Variants in PCLO observed in about 807,000 individuals in gnomAD.
The protein encoded by PCLO is protein piccolo.
Under a neutral mutation model 427.5 loss-of-function variants are expected in PCLO, and 82 were observed. The ratio of observed to expected loss-of-function variants is 0.19; its 90% confidence interval spans 0.16 to 0.23. The LOEUF (loss-of-function observed/expected upper bound fraction) is 0.23, where lower values mean the gene tolerates loss of function less well. Among genes scored for constraint, PCLO ranks in the 10% least tolerant of loss-of-function variants. The pLI is 1.00. For missense variants in PCLO, 6,239 were observed against 6,115.9 expected, an observed-to-expected ratio of 1.02 and a Z score of -0.67; for synonymous variants, 2,357 against 2,155.4, an observed-to-expected ratio of 1.09 and a Z score of -2.59.
Position 82,953,708 on chromosome 7 carries a change from A to C in PCLO, c.7245T>G (p.Pro2415=). The C allele has an allele frequency of 4.3e-6, 2 of 463,588 alleles. No individual in the cohort carries two copies. The highest frequency in any genetic ancestry group is 1.8e-5 in the South Asian group (1 of 54,214). 28.7% of individuals were successfully genotyped at this position (463,588 alleles called of 1,614,324 possible). ...PPPPPPPPPP[P]PPPPPPPPPP... is the part of the protein sequence containing the mutation. ...GAGGAGGGGGTGGTGGTGGAGGAGG[A>C]GGAGGAGGGGGAGGGGGAGGAGGGG... Residue 2415 remains proline (P), a synonymous_variant, in exon 5 of 25, where the codon CCT becomes CCG. Coordinates refer to ENST00000333891, the MANE Select transcript of PCLO (RefSeq NM_033026.6).
chr7:83,054,274 T>A (rs1400658478), intron 3 of PCLO, among the ~76,000 whole-genome samples: 1 of 152,062 alleles, frequency 6.6e-6, no homozygotes, highest in Non-Finnish European at 1.5e-5. Context: ...AACACCTAGA[T>A]GTGCTTCTAT....
At chr7:83,124,965 G>A (rs1353913630) in intron 3 of PCLO, among the ~76,000 whole-genome samples, 5 of 152,080 alleles carry the variant, frequency 3.3e-5, no homozygotes, top group African/African-American at 9.7e-5. Flanking sequence ...CGTGTTGGCC[G>A]GGCTGGTCTC....
chr7:83,134,761 T>A lies in PCLO; in HGVS notation c.2789A>T (p.Lys930Ile). 1.9e-6 allele frequency: 3 copies of A among 1,613,932 alleles called. No individual in the cohort carries two copies. Among genetic ancestry groups the A allele is most frequent in the Non-Finnish European group, 2.5e-6 (3 of 1,179,882 alleles). ...PTTPQETVTG[K>I]LFGFGASIFS... The stretch of plus-strand genomic sequence containing the variant: ...GATTGATGCTCCAAACCCAAAGAGT[T>A]TCCCAGTCACGGTCTCTTGAGGAGT... The change falls in exon 3 of 25, where the codon AAA (lysine) becomes ATA (isoleucine). Residue 930 changes from lysine (K) to isoleucine (I), a missense_variant. By Grantham distance (102) the Lys-to-Ile change is moderately radical. Transcript: ENST00000333891.
chr7:82,823,327 T>C (rs10225635), intron 19 of PCLO, among the ~76,000 whole-genome samples: 1,914 of 152,222 alleles, frequency 0.013, 43 homozygotes, highest in African/African-American at 0.044. Context: ...CACTTTCTCA[T>C]CTCCTAGAAC....
intron 1 of PCLO, 39 bp from the exon 2 acceptor site, chr7:83,156,431 AT>A: frequency 8.1e-7 from 1 of 1,227,698 alleles, no homozygotes; most frequent in Non-Finnish European, 1.1e-6. Flanking sequence ...TCAAGTGAAA[AT>A]AATGGAAATT....
At chr7:82,976,151 G>T (rs755498552) in intron 3 of PCLO, among the ~76,000 whole-genome samples, 12 of 152,122 alleles carry the variant, frequency 7.9e-5, no homozygotes, top group Non-Finnish European at 1.6e-4. Flanking sequence ...TGCTGTTAAA[G>T]GTTACCCATG....
chr7:83,107,169 T>C lies in PCLO; in HGVS notation c.3300+27081A>G, dbSNP rs368914836. ...ACAAATTATTGCACCGCCCGGGTGA[T>C]AAGCATAGTACCTGATAGGTAGTTT... On this transcript the variant is annotated intron_variant, in intron 3 of 24. Transcript: ENST00000333891. Among the ~76,000 whole-genome samples, 64 of 152,320 alleles carry C rather than the reference T, an allele frequency of 4.2e-4. 1 individual carries two copies. The South Asian group carries it at 0.013, about 31-fold the overall frequency.
chr7:82,917,280 T>C (rs569288734), intron 6 of PCLO, among the ~76,000 whole-genome samples: 1 of 152,220 alleles, frequency 6.6e-6, no homozygotes, highest in African/African-American at 2.4e-5. Context: ...GTCATTCCCA[T>C]TTTTTAAATT....
chr7:83,015,019 C>T (rs928439888), intron 3 of PCLO, among the ~76,000 whole-genome samples: 2 of 152,000 alleles, frequency 1.3e-5, no homozygotes, highest in Non-Finnish European at 2.9e-5. Context: ...ATCAGCTATG[C>T]GCAGCTACTG....
intron 6 of PCLO, among the ~76,000 whole-genome samples, chr7:82,936,791 T>C (rs1794962714): frequency 6.6e-6 from 1 of 151,718 alleles, no homozygotes; most frequent in Non-Finnish European, 1.5e-5. Context: ...AACTGTGGCA[T>C]ATAGAATAAA....
intron 10 of PCLO, among the ~76,000 whole-genome samples, chr7:82,854,679 G>T (rs1184716007): frequency 6.6e-6 from 1 of 152,014 alleles, no homozygotes; most frequent in African/African-American, 2.4e-5. Context: ...TTTTTGGGCA[G>T]GACTGTTGAC....
At chr7:83,101,708 C>G (rs1359297100) in intron 3 of PCLO, among the ~76,000 whole-genome samples, 2 of 152,096 alleles carry the variant, frequency 1.3e-5, no homozygotes, top group African/African-American at 4.8e-5. Context: ...TGGCTGAAAT[C>G]TGTTGCTTCT....
intron 6 of PCLO, among the ~76,000 whole-genome samples, chr7:82,922,568 T>C (rs919681591): frequency 2.6e-5 from 4 of 151,792 alleles, no homozygotes; most frequent in African/African-American, 7.3e-5. Flanking sequence ...AAGGGAACAA[T>C]AGACACTGGG....
At chr7:82,959,198 C>G (rs1157605408) in intron 4 of PCLO, among the ~76,000 whole-genome samples, 2 of 152,098 alleles carry the variant, frequency 1.3e-5, no homozygotes, top group Non-Finnish European at 2.9e-5. Context: ...TCCCGAGTAG[C>G]TGGGATTACA....
chr7:82,956,447 GTCA>G lies in PCLO; in HGVS notation c.4503_4505del (p.Asp1502del), dbSNP rs1167912382. 1.9e-6 allele frequency: 3 copies of G among 1,613,666 alleles called. No homozygotes were observed. Among genetic ancestry groups the G allele is most frequent in the Non-Finnish European group, 1.7e-6 (2 of 1,179,722 alleles). ...CATAAGGCTCTCTTCTAGTAGTTAT[GTCA>G]TCAACAAACTCAGACTTCTCTTTAT... On this transcript the variant is annotated inframe_deletion, in exon 5 of 25. Coordinates refer to ENST00000333891, the MANE Select transcript of PCLO (RefSeq NM_033026.6).
At position 82,952,558 on chromosome 7, in the gene PCLO, T is replaced by C. The variant is rs774307618; in HGVS notation, c.8395A>G (p.Thr2799Ala). The C allele has an allele frequency of 6.2e-7, 1 of 1,613,958 alleles. No individual in the cohort carries two copies. Among genetic ancestry groups the C allele is most frequent in the Non-Finnish European group, 8.5e-7 (1 of 1,179,866 alleles). ...GTGTAACTTGCACTAGCTGTGCATG[T>C]GACAAAGGTCACTGTCTCAGTGGCC... ...SLATETVTFV[T>A]CTASASYTTG... is the part of the protein sequence containing the mutation. Residue 2799 changes from threonine (T) to alanine (A), a missense_variant, in exon 5 of 25, where the codon ACA (threonine) becomes GCA (alanine). This residue lies in a region of PCLO where 4,677 missense variants were observed against 4,468.4 expected (regional missense o/e 1.05). Transcript: ENST00000333891.
chr7:82,916,304 A>G lies in PCLO; in HGVS notation c.11682T>C (p.Ala3894=). 1.2e-6 allele frequency: 2 copies of G among 1,613,622 alleles called. No homozygotes were observed. The highest frequency in any genetic ancestry group is 1.7e-6 in the Non-Finnish European group (2 of 1,179,698). Residue 3894 remains alanine, a synonymous_variant, in exon 7 of 25, where the codon GCT becomes GCC. Transcript: ENST00000333891. Reference sequence around the variant, plus strand: ...ATGAGGTGGGTGCTTGGGTAGGAAGAGCAGGGGAAGAGTACTGGTATTGTG... The same window carrying G: ...ATGAGGTGGGTGCTTGGGTAGGAAGGGCAGGGGAAGAGTACTGGTATTGTG... ...PYTQYQYSSP[A]LPTQAPTSYT...
intron 3 of PCLO, among the ~76,000 whole-genome samples, chr7:83,016,474 A>G (rs767639132): frequency 5.3e-5 from 8 of 152,138 alleles, no homozygotes; most frequent in Non-Finnish European, 1.2e-4. Flanking sequence ...GCTAAGAAAC[A>G]AATATAGAAG....
chr7:82,768,076 C>T (rs1174929028), intron 22 of PCLO, among the ~76,000 whole-genome samples: 2 of 152,078 alleles, frequency 1.3e-5, no homozygotes, highest in South Asian at 2.1e-4. Context: ...TGGAAGAGAA[C>T]TAATTTACTT....
Sources: allele counts gnomAD v4.1 joint callset (sites outside exome capture counted in the v4.1 genomes callset), GRCh38; gene constraint gnomAD v4.1.1; regional missense constraint gnomAD v4.1.1; transcripts MANE v1.5; gene names NCBI Gene and HGNC (gene_info 2026-07-23, HGNC 2026-07-21).